CARMIL1: variants seen among roughly 807,000 people sequenced by gnomAD.
CARMIL1 encodes capping protein regulator and myosin 1 linker 1, also known as F-actin-uncapping protein LRRC16A.
A neutral mutation model predicts 177.1 loss-of-function variants in CARMIL1; 90 were observed. That is an observed-to-expected ratio of 0.51 (90% CI 0.43 to 0.61). The LOEUF is 0.61. CARMIL1 is among the 20% of genes least tolerant of loss of function. The pLI is 0.00. For synonymous variants in CARMIL1, 577 were observed against 606.2 expected (o/e 0.95, Z 0.71); for missense variants, 1,380 against 1,667.0 (o/e 0.83, Z 3.00).
In CARMIL1 at chr6:25,491,135, A is replaced by T. The variant is rs145985297; in HGVS notation, c.1066-597A>T. ...CATTATTTTGATGGCCTTGAATGAG[A>T]GGACTGGGGAAGTTTAAGCATTGTG... On this transcript the variant is annotated intron_variant, in intron 13 of 36. Coordinates refer to ENST00000329474, the MANE Select transcript of CARMIL1 (RefSeq NM_017640.6). Among the ~76,000 whole-genome samples the T allele has an allele frequency of 2.4e-3, 372 of 152,302 alleles. 2 individuals carry two copies. The highest frequency in any genetic ancestry group is 8.5e-3 in the African/African-American group (354 of 41,576).
At chr6:25,402,334 G>A (rs1488775632) in intron 2 of CARMIL1, among the ~76,000 whole-genome samples, 1 of 152,192 alleles carries the variant, frequency 6.6e-6, no homozygotes, top group Non-Finnish European at 1.5e-5. Flanking sequence ...TTGAATGACA[G>A]TGTTAGAATG....
rs1301377703 is a variant in CARMIL1, at chr6:25,284,854, TGAA to T, written c.90_92del (p.Lys31del). On this transcript the variant is annotated inframe_deletion, in exon 2 of 37. Transcript: ENST00000329474. Reference sequence around the variant, plus strand: ...ATTGGCAGAAAGATAAAAATTTCAGTGAAGAAGAAAGTAAAGTTGGAAGTTAAG... The same window carrying T: ...ATTGGCAGAAAGATAAAAATTTCAGTGAAGAAAGTAAAGTTGGAAGTTAAG... 2.5e-6 allele frequency: 4 copies of T among 1,572,750 alleles called. No individual in the cohort carries two copies. The highest frequency in any genetic ancestry group is 3.5e-6 in the Non-Finnish European group (4 of 1,157,010).
chr6:25,421,579 G>A (rs1239109108), intron 3 of CARMIL1, among the ~76,000 whole-genome samples: 11 of 152,008 alleles, frequency 7.2e-5, no homozygotes, highest in Non-Finnish European at 1.6e-4. Context: ...GCACACGTAT[G>A]TTTATTGCGG....
At chr6:25,419,818 G>T (rs1795683614) in intron 2 of CARMIL1, among the ~76,000 whole-genome samples, 1 of 152,166 alleles carries the variant, frequency 6.6e-6, no homozygotes, top group South Asian at 2.1e-4. Context: ...TAGTATCACA[G>T]AGACCTGTTT....
intron 4 of CARMIL1, among the ~76,000 whole-genome samples, chr6:25,434,037 G>C (rs1242169417): frequency 6.6e-6 from 1 of 152,182 alleles, no homozygotes; most frequent in African/African-American, 2.4e-5. Flanking sequence ...TTTTGAAGAA[G>C]TGATAATCTA....
At chr6:25,549,051 G>A (rs559708832) in intron 26 of CARMIL1, among the ~76,000 whole-genome samples, 84 of 152,318 alleles carry the variant, frequency 5.5e-4, no homozygotes, top group African/African-American at 2.0e-3. Flanking sequence ...AAATGCCTAA[G>A]ACAGGCTAAA....
rs114715632 is a variant in CARMIL1 at position 25,616,001 on chromosome 6, G to A, written c.3980-3446G>A. Among the ~76,000 whole-genome samples the A allele has an allele frequency of 3.5e-3, 528 of 152,136 alleles. 2 individuals carry two copies. The highest frequency in any genetic ancestry group is 0.012 in the African/African-American group (514 of 41,488). Reference sequence around the variant, plus strand: ...TACCAATTATTGCCACTATAGACAGGGTCTGTATATACATGGAGTGTTTGT... The same window carrying A: ...TACCAATTATTGCCACTATAGACAGAGTCTGTATATACATGGAGTGTTTGT... On this transcript the variant is annotated intron_variant, in intron 36 of 36. Coordinates refer to ENST00000329474, the MANE Select transcript of CARMIL1 (RefSeq NM_017640.6).
chr6:25,319,471 AAC>A (rs1232886154), intron 2 of CARMIL1, among the ~76,000 whole-genome samples: 1 of 152,120 alleles, frequency 6.6e-6, no homozygotes, highest in Non-Finnish European at 1.5e-5. Context: ...CGATTTCCTT[AAC>A]AGGAAGGCAC....
chr6:25,511,992 C>G (rs1376939814), intron 20 of CARMIL1, among the ~76,000 whole-genome samples: 1 of 152,164 alleles, frequency 6.6e-6, no homozygotes. Context: ...ATTTAGACTT[C>G]TCAGAGTTTA....
chr6:25,417,949 G>A (rs967607070), intron 2 of CARMIL1, among the ~76,000 whole-genome samples: 7 of 151,830 alleles, frequency 4.6e-5, no homozygotes, highest in Non-Finnish European at 7.4e-5. Context: ...GAGTAGCAAC[G>A]CTTAGGGACA....
In CARMIL1 at chr6:25,596,884, CAT is replaced by C. The variant is rs1229863130; in HGVS notation, c.3119+2358_3119+2359del. 1.4e-4 allele frequency among the ~76,000 whole-genome samples: 21 copies of C among 150,666 alleles called. No individual in the cohort carries two copies. In the East Asian group the frequency reaches 4.1e-3, roughly 30 times the overall value. On this transcript the variant is annotated intron_variant, in intron 32 of 36. Transcript: ENST00000329474. Reference sequence around the variant, plus strand: ...ACACACACACACACACACACGTACTCATGTACTTAGACACACACTTTTCCTTG... The same window carrying C: ...ACACACACACACACACACACGTACTCGTACTTAGACACACACTTTTCCTTG...
chr6:25,589,605 AG>A (rs1409352294), intron 31 of CARMIL1, among the ~76,000 whole-genome samples: 2 of 152,058 alleles, frequency 1.3e-5, no homozygotes, highest in Non-Finnish European at 2.9e-5. Flanking sequence ...CTCCCACCTC[AG>A]TCTCCCAAGT....
rs1799027542 is a variant in CARMIL1, at chr6:25,452,148, C to A, written c.614+1437C>A. On this transcript the variant is annotated intron_variant, in intron 8 of 36. Transcript: ENST00000329474. Reference sequence around the variant, plus strand: ...TACCTCCTCTTTGCACAGCCTGGGACTACGGAAGATGGTGAAGCAGGCTCA... The same window carrying A: ...TACCTCCTCTTTGCACAGCCTGGGAATACGGAAGATGGTGAAGCAGGCTCA... 3 of 764,954 alleles carry A rather than the reference C, an allele frequency of 3.9e-6. No individual in the cohort carries two copies. In the East Asian group the frequency reaches 7.3e-5, roughly 19 times the overall value. 47.4% of individuals were successfully genotyped at this position (764,954 alleles called of 1,614,324 possible). A position where few individuals can be genotyped will look rare whatever the true frequency, so the allele number is the denominator to read the frequency against.
In CARMIL1 at chr6:25,459,266, C is replaced by CTTTCTTTCTT; in HGVS notation, c.615-6604_615-6603insCTTTCTTTTT. Among the ~76,000 whole-genome samples the CTTTCTTTCTT allele has an allele frequency of 2.7e-3, 196 of 73,730 alleles. 5 individuals are homozygous for CTTTCTTTCTT. The highest frequency in any genetic ancestry group is 6.4e-3 in the African/African-American group (130 of 20,330). The allele number at this position is 73,730 out of a possible 152,430, so 48.4% of individuals were successfully genotyped here. On this transcript the variant is annotated intron_variant, in intron 8 of 36. Coordinates refer to ENST00000329474, the MANE Select transcript of CARMIL1 (RefSeq NM_017640.6). ...TCTTTCTTTCTTTCTTTCTTTCTTT[C>CTTTCTTTCTT]TTTTTTTTTTTTTTAAGACAGGGTC...
chr6:25,427,790 C>G (rs981806768), intron 4 of CARMIL1, among the ~76,000 whole-genome samples: 1 of 152,160 alleles, frequency 6.6e-6, no homozygotes, highest in Non-Finnish European at 1.5e-5. Context: ...TTTTAATTTG[C>G]ATTTCCCTAA....
chr6:25,331,614 A>T (rs1338048079), intron 2 of CARMIL1, among the ~76,000 whole-genome samples: 3 of 152,218 alleles, frequency 2.0e-5, no homozygotes, highest in Non-Finnish European at 2.9e-5. Context: ...TGGGAAGGCA[A>T]GAATCTGAGT....
intron 13 of CARMIL1, among the ~76,000 whole-genome samples, chr6:25,490,742 TAAATAAATAAAA>T (rs141601308): frequency 0.27 from 34,627 of 126,620 alleles, 4,367 homozygotes; most frequent in East Asian, 0.35. Flanking sequence ...AATAAATAAA[TAAATAAATAAAA>T]AAAAATAAAT....
At chr6:25,448,605 T>C (rs547964854) in intron 5 of CARMIL1, among the ~76,000 whole-genome samples, 13 of 152,268 alleles carry the variant, frequency 8.5e-5, no homozygotes, top group African/African-American at 2.6e-4. Flanking sequence ...GGGAATAAGC[T>C]AAGTGCCCCT....
intron 29 of CARMIL1, among the ~76,000 whole-genome samples, chr6:25,579,111 A>G (rs1582421619): frequency 7.1e-6 from 1 of 141,042 alleles, no homozygotes; most frequent in Non-Finnish European, 1.5e-5. Context: ...ACATATTTTT[A>G]TATGTTTAAA....
Sources: gnomAD v4.1 joint callset for allele counts (sites outside exome capture counted in the v4.1 genomes callset) on GRCh38, gnomAD v4.1.1 for gene constraint, MANE v1.5 for transcripts, NCBI Gene and HGNC (gene_info 2026-07-23, HGNC 2026-07-21) for gene names.